TTC29: variants seen among roughly 807,000 people sequenced by gnomAD.
The protein encoded by TTC29 is tetratricopeptide repeat domain 29.
In TTC29, 49 loss-of-function variants were observed where a neutral mutation model predicts 58.1. That is an observed-to-expected ratio of 0.84 (90% CI 0.67 to 1.07). The LOEUF (loss-of-function observed/expected upper bound fraction) is 1.07, where lower values mean the gene tolerates loss of function less well. TTC29 is among the 50% of genes least tolerant of loss of function. TTC29 has a pLI of 0.00. For synonymous variants in TTC29, 209 were observed against 196.8 expected (o/e 1.06, Z -0.52); for missense variants, 582 against 555.6 (o/e 1.05, Z -0.48).
intron 8 of TTC29, among the ~76,000 whole-genome samples, chr4:146,844,965 T>C (rs1729075057): frequency 6.6e-6 from 1 of 152,092 alleles, no homozygotes; most frequent in Non-Finnish European, 1.5e-5. Context: ...GCAGAGTGAA[T>C]TGATGGACTG....
intron 4 of TTC29, among the ~76,000 whole-genome samples, chr4:146,925,009 GA>G (rs1214043630): frequency 6.6e-6 from 1 of 151,890 alleles, no homozygotes; most frequent in East Asian, 1.9e-4. Flanking sequence ...CCCAATTCGG[GA>G]AGATTTTCCA....
chr4:146,745,332 A>T (rs2150040465), intron 11 of TTC29, among the ~76,000 whole-genome samples: 1 of 152,326 alleles, frequency 6.6e-6, no homozygotes, highest in East Asian at 1.9e-4. Flanking sequence ...GAAGGGGAAA[A>T]TGAAATGCTG....
rs184684254 is a variant in TTC29, at chr4:146,821,313, C to A, written c.978-1065G>T. ...CTCAACCCCATGAGTACACTAAAAA[C>A]CACTGAATTGTAGACTTTAAATTTT... On this transcript the variant is annotated intron_variant, in intron 9 of 12. Transcript: ENST00000325106. Among the ~76,000 whole-genome samples the A allele has an allele frequency of 1.1e-4, 17 of 152,250 alleles. No homozygotes were observed. In the East Asian group the frequency reaches 3.1e-3, roughly 28 times the overall value.
At chr4:146,865,834 T>C (rs1374892633) in intron 8 of TTC29, among the ~76,000 whole-genome samples, 1 of 152,174 alleles carries the variant, frequency 6.6e-6, no homozygotes, top group African/African-American at 2.4e-5. Context: ...TTTCCCAATA[T>C]ATAGATATAT....
chr4:146,821,085 T>C (rs1003060199), intron 9 of TTC29, among the ~76,000 whole-genome samples: 4 of 151,152 alleles, frequency 2.6e-5, no homozygotes, highest in Non-Finnish European at 5.9e-5. Context: ...CTTGAAAATA[T>C]GCTAAGTGAA....
At chr4:146,707,260 T>C (rs1028845167) in intron 12 of TTC29, 72 bp from the exon 13 acceptor site, 131 of 1,108,002 alleles carry the variant, frequency 1.2e-4, no homozygotes, top group Non-Finnish European at 1.5e-4. Flanking sequence ...TTTTGAAAAA[T>C]AATTTGTTTT....
intron 4 of TTC29, among the ~76,000 whole-genome samples, chr4:146,929,480 G>A (rs1462937225): frequency 6.6e-6 from 1 of 152,104 alleles, no homozygotes; most frequent in East Asian, 1.9e-4. Context: ...GGAAAAACAG[G>A]ATGCTTCCAT....
At chr4:146,755,990 TC>T (rs1164188901) in intron 11 of TTC29, among the ~76,000 whole-genome samples, 3 of 152,118 alleles carry the variant, frequency 2.0e-5, no homozygotes, top group African/African-American at 7.2e-5. Flanking sequence ...AATTCTGTAG[TC>T]AGGCTGGGTG....
rs1156776117 is a variant in TTC29 at position 146,803,608 on chromosome 4, C to T, written c.1179G>A (p.Met393Ile). ...TTVELMSMPL[M>I]DETKVHYGIA... is the part of the protein sequence containing the mutation. ...TTCCATAGTGAACTTTTGTCTCATC[C>T]ATCAGAGGCATGCTCATTAGCTCTA... Residue 393 changes from methionine to isoleucine, a missense_variant, in exon 11 of 13, where the codon ATG (methionine) becomes ATA (isoleucine). By Grantham distance (10) the Met-to-Ile change is conservative. Coordinates refer to ENST00000325106, the MANE Select transcript of TTC29 (RefSeq NM_031956.4). The T allele has an allele frequency of 6.2e-7, 1 of 1,609,054 alleles. No homozygotes were observed. The highest frequency in any genetic ancestry group is 8.5e-7 in the Non-Finnish European group (1 of 1,177,528).
At chr4:146,812,286 A>C (rs1751076797) in intron 10 of TTC29, among the ~76,000 whole-genome samples, 1 of 152,204 alleles carries the variant, frequency 6.6e-6, no homozygotes, top group Admixed American at 6.5e-5. Flanking sequence ...TATTTCTGAG[A>C]TTTCAATTAT....
intron 4 of TTC29, among the ~76,000 whole-genome samples, chr4:146,935,947 C>T (rs72960375): frequency 0.022 from 3,291 of 152,174 alleles, 89 homozygotes; most frequent in East Asian, 0.11. Context: ...CCTTTTTATG[C>T]TATTCAATTA....
At chr4:146,876,702 T>G (rs981336535) in intron 6 of TTC29, among the ~76,000 whole-genome samples, 16 of 152,074 alleles carry the variant, frequency 1.1e-4, no homozygotes, top group African/African-American at 3.4e-4. Flanking sequence ...TTTGGGAGGC[T>G]GAGGCCTGTG....
intron 11 of TTC29, among the ~76,000 whole-genome samples, chr4:146,766,655 T>G: frequency 6.6e-6 from 1 of 152,110 alleles, no homozygotes; most frequent in East Asian, 1.9e-4. Flanking sequence ...TTTTCAAAAC[T>G]GGGTTAAATG....
intron 6 of TTC29, among the ~76,000 whole-genome samples, chr4:146,890,374 CTA>C (rs1482184062): frequency 1.3e-5 from 2 of 152,128 alleles, no homozygotes; most frequent in African/African-American, 4.8e-5. Flanking sequence ...ACTTGTGGGG[CTA>C]TAAGAGCTTC....
At chr4:146,825,613 T>C (rs953556940) in intron 9 of TTC29, among the ~76,000 whole-genome samples, 3 of 152,198 alleles carry the variant, frequency 2.0e-5, no homozygotes, top group Non-Finnish European at 4.4e-5. Flanking sequence ...AGCTGTCTAC[T>C]AGGTCCACTT....
intron 11 of TTC29, among the ~76,000 whole-genome samples, chr4:146,794,867 GCA>G (rs922804707): frequency 6.7e-4 from 102 of 152,162 alleles, no homozygotes; most frequent in African/African-American, 2.4e-3. Flanking sequence ...AAATGGAAAT[GCA>G]CAGTCTTAAT....
chr4:146,901,972 C>T (rs915054071), intron 6 of TTC29, among the ~76,000 whole-genome samples: 2 of 152,156 alleles, frequency 1.3e-5, no homozygotes, highest in Non-Finnish European at 2.9e-5. Flanking sequence ...TTTGCTTTAA[C>T]CTATTTCATG....
At chr4:146,876,770 A>G (rs1431171876) in intron 6 of TTC29, among the ~76,000 whole-genome samples, 1 of 151,954 alleles carries the variant, frequency 6.6e-6, no homozygotes. Context: ...CTCCGTCTCT[A>G]CTAAAAATAC....
intron 4 of TTC29, among the ~76,000 whole-genome samples, chr4:146,936,382 A>T (rs10519844): frequency 0.075 from 11,389 of 152,186 alleles, 1,452 homozygotes; most frequent in African/African-American, 0.26. Context: ...TATTAAGCCA[A>T]TTAAAACTAT....
Sources: gnomAD v4.1 joint callset for allele counts (sites outside exome capture counted in the v4.1 genomes callset) on GRCh38, gnomAD v4.1.1 for gene constraint, MANE v1.5 for transcripts, NCBI Gene and HGNC (gene_info 2026-07-23, HGNC 2026-07-21) for gene names.